EVA1A: variants seen among roughly 807,000 people sequenced by gnomAD.
EVA1A encodes eva-1 homolog A, regulator of programmed cell death.
EVA1A carries 7 observed loss-of-function variants against 9.8 expected under a neutral mutation model. The ratio of observed to expected loss-of-function variants is 0.71; its 90% CI spans 0.41 to 1.34. The LOEUF (loss-of-function observed/expected upper bound fraction) is 1.34, where lower values mean the gene tolerates loss of function less well. Among genes scored for constraint, EVA1A ranks in the 40% most tolerant of loss-of-function variants. The probability of loss-of-function intolerance (pLI) is 0.01; values close to 1 mark genes in which losing one functional copy is unlikely to be tolerated. For synonymous variants in EVA1A, 90 were observed against 85.6 expected (o/e 1.05, Z -0.28); for missense variants, 206 against 205.9 (o/e 1.00, Z 0.00).
intron 3 of EVA1A, among the ~76,000 whole-genome samples, chr2:75,499,314 G>A (rs1328102923): frequency 6.6e-6 from 1 of 152,140 alleles, no homozygotes; most frequent in African/African-American, 2.4e-5. Flanking sequence ...AAACATAATT[G>A]GAATTGAGCA....
intron 3 of EVA1A, among the ~76,000 whole-genome samples, chr2:75,495,496 G>A (rs1463295317): frequency 6.6e-6 from 1 of 152,152 alleles, no homozygotes; most frequent in African/African-American, 2.4e-5. Context: ...CGCTCACAAA[G>A]GTAATGGCAT....
chr2:75,564,961 G>A (rs1026712138), upstream of EVA1A, among the ~76,000 whole-genome samples: 7 of 152,220 alleles, frequency 4.6e-5, no homozygotes, highest in African/African-American at 1.7e-4. Context: ...CCAGCTGAGT[G>A]AAGGTGAAAC....
At chr2:75,518,236 A>C (rs1675085783) in intron 2 of EVA1A, 28 bp from the exon 3 acceptor site, 2 of 1,538,212 alleles carry the variant, frequency 1.3e-6, no homozygotes, top group African/African-American at 1.4e-5. Flanking sequence ...GTGAGTGATA[A>C]GAAACATTCT....
In EVA1A at chr2:75,493,246, C is replaced by T. The variant is rs11126472; in HGVS notation, c.449G>A (p.Arg150His). The T allele has an allele frequency of 0.047, 75,590 of 1,611,076 alleles. 2,039 individuals carry two copies. The highest frequency in any genetic ancestry group is 0.097 in the Middle Eastern group (560 of 5,762). The change falls in exon 4 of 4, where the codon CGC (arginine) becomes CAC (histidine). Residue 150 changes from arginine to histidine, a missense_variant. Arg to His is a conservative substitution (Grantham distance 29). Transcript: ENST00000393913. ...GGGTCCTGCTGCTCCCTAATAGTAG[C>T]GATTCAGGCTCCTGGTCCCGGGCAC... ...PEVPGTRSLNRYY is the reference protein window; with the variant it reads ...PEVPGTRSLNHYY
chr2:75,546,671 A>AGGGGT (rs1676340375), intron 1 of EVA1A, among the ~76,000 whole-genome samples: 1 of 152,134 alleles, frequency 6.6e-6, no homozygotes. Context: ...GGGTCATGTT[A>AGGGGT]GGGGTTGAAT....
intron 3 of EVA1A, among the ~76,000 whole-genome samples, chr2:75,503,210 T>G (rs1483407727): frequency 6.6e-6 from 1 of 152,172 alleles, no homozygotes; most frequent in East Asian, 1.9e-4. Flanking sequence ...CTTCATCCTT[T>G]TCCCACAAAA....
At chr2:75,567,044 A>G (rs1306589827) in intron 1 of EVA1A, among the ~76,000 whole-genome samples, 1 of 152,222 alleles carries the variant, frequency 6.6e-6, no homozygotes, top group East Asian at 1.9e-4. Context: ...AGACAACGGA[A>G]CTATGAAAGA....
Position 75,560,462 on chromosome 2 carries a change from G to A in EVA1A, c.-192+218C>T, listed in dbSNP as rs747630404. On this transcript the variant is annotated intron_variant, in intron 1 of 3. Transcript: ENST00000393913. ...GGGGGGCGAGAGAAGAAACAGGAAA[G>A]TGGGAGGAAGAGGAGGCAAAAAAGA... Among the ~76,000 whole-genome samples the A allele has an allele frequency of 1.1e-4, 17 of 152,346 alleles. No individual in the cohort carries two copies. In the East Asian group the frequency reaches 3.1e-3, roughly 28 times the overall value.
At chr2:75,511,566 G>T (rs1674812289) in intron 3 of EVA1A, among the ~76,000 whole-genome samples, 2 of 152,196 alleles carry the variant, frequency 1.3e-5, no homozygotes, top group Non-Finnish European at 2.9e-5. Context: ...GCATGAAATG[G>T]AGGAGGAGAA....
intron 3 of EVA1A, among the ~76,000 whole-genome samples, chr2:75,499,025 G>T (rs1342135851): frequency 2.0e-5 from 3 of 152,126 alleles, no homozygotes; most frequent in Admixed American, 2.0e-4. Context: ...CATGCACAAT[G>T]TGTATAAAAA....
intron 3 of EVA1A, among the ~76,000 whole-genome samples, chr2:75,498,495 A>G (rs554483985): frequency 6.6e-6 from 1 of 152,124 alleles, no homozygotes; most frequent in African/African-American, 2.4e-5. Context: ...AGTAAAAAAA[A>G]CCCCAAAAAA....
intron 3 of EVA1A, among the ~76,000 whole-genome samples, chr2:75,499,118 TAGAG>T (rs1674319900): frequency 6.6e-6 from 1 of 152,228 alleles, no homozygotes; most frequent in Non-Finnish European, 1.5e-5. Context: ...AGCCCTCAGA[TAGAG>T]AGAACATGTC....
At position 75,503,951 on chromosome 2, in the gene EVA1A, T is replaced by C. The variant is rs544206557; in HGVS notation, c.86-10342A>G. Among the ~76,000 whole-genome samples the C allele has an allele frequency of 3.9e-5, 6 of 152,216 alleles. No individual in the cohort carries two copies. The East Asian group carries it at 7.7e-4, about 20-fold the overall frequency. ...ACTTGATCACTACACATTATATACA[T>C]GTAACAAAATTTCACGTGTGCTCCA... is the stretch of plus-strand genomic sequence containing the variant. On this transcript the variant is annotated intron_variant, in intron 3 of 3. Transcript: ENST00000393913.
rs116547256 is a variant in EVA1A at position 75,500,160 on chromosome 2, A to T, written c.86-6551T>A. 1.9e-3 allele frequency among the ~76,000 whole-genome samples: 284 copies of T among 152,334 alleles called. 6 individuals are homozygous for T. The highest frequency in any genetic ancestry group is 6.6e-3 in the African/African-American group (275 of 41,594). ...AAAATAACTGTTCCAAATATTGAAA[A>T]ATTGATGTCAATGACAGGAGGCAAA... On this transcript the variant is annotated intron_variant, in intron 3 of 3. Coordinates refer to ENST00000393913, the MANE Select transcript of EVA1A (RefSeq NM_001135032.2).
chr2:75,543,290 G>A (rs1302824197), intron 1 of EVA1A, among the ~76,000 whole-genome samples: 5 of 152,016 alleles, frequency 3.3e-5, no homozygotes, highest in Non-Finnish European at 7.4e-5. Flanking sequence ...CTAATCAGTG[G>A]GGCTTCCCAA....
At chr2:75,508,070 T>G (rs1456465982) in intron 3 of EVA1A, among the ~76,000 whole-genome samples, 1 of 152,234 alleles carries the variant, frequency 6.6e-6, no homozygotes, top group Admixed American at 6.5e-5. Flanking sequence ...ACCCTTGTGA[T>G]TTCCTATGCC....
At chr2:75,494,207 GATCGA>G (rs1425213234) in intron 3 of EVA1A, among the ~76,000 whole-genome samples, 1 of 152,190 alleles carries the variant, frequency 6.6e-6, no homozygotes, top group East Asian at 1.9e-4. Flanking sequence ...CAAACATGTA[GATCGA>G]AAATACATTA....
At chr2:75,538,844 T>TG (rs1676010628) in intron 1 of EVA1A, among the ~76,000 whole-genome samples, 1 of 152,146 alleles carries the variant, frequency 6.6e-6, no homozygotes, top group African/African-American at 2.4e-5. Flanking sequence ...AAGGAAGGAT[T>TG]GGGGTGAGAA....
At chr2:75,568,802 A>T (rs77525075) in intron 1 of EVA1A, among the ~76,000 whole-genome samples, 2 of 152,122 alleles carry the variant, frequency 1.3e-5, no homozygotes, top group Admixed American at 6.5e-5. Flanking sequence ...GTTCCTCTTT[A>T]TGGCTGAGTA....
Sources: allele counts gnomAD v4.1 joint callset (sites outside exome capture counted in the v4.1 genomes callset), GRCh38; gene constraint gnomAD v4.1.1; transcripts MANE v1.5; gene names NCBI Gene and HGNC (gene_info 2026-07-23, HGNC 2026-07-21).